KIF5C: variants seen among roughly 807,000 people sequenced by gnomAD.
The protein encoded by KIF5C is kinesin heavy chain isoform 5C.
Under a neutral mutation model 125.2 loss-of-function variants are expected in KIF5C, and 18 were observed. The ratio of observed to expected loss-of-function variants is 0.14; its 90% CI spans 0.10 to 0.21. The LOEUF (loss-of-function observed/expected upper bound fraction) is 0.21, where lower values mean the gene tolerates loss of function less well. Among genes scored for constraint, KIF5C ranks in the 10% least tolerant of loss-of-function variants. KIF5C has a pLI of 1.00. For synonymous variants in KIF5C, 405 were observed against 434.0 expected, an observed-to-expected ratio of 0.93 and a Z score of 0.83; for missense variants, 780 against 1,183.8, an observed-to-expected ratio of 0.66 and a Z score of 5.01.
At chr2:148,937,888 G>T (rs527785218) in intron 4 of KIF5C, among the ~76,000 whole-genome samples, 1 of 152,218 alleles carries the variant, frequency 6.6e-6, no homozygotes, top group Non-Finnish European at 1.5e-5. Flanking sequence ...TTTGAATGTA[G>T]ACACATTTCT....
At chr2:148,974,218 A>G (rs1680997675) in intron 12 of KIF5C, among the ~76,000 whole-genome samples, 1 of 152,166 alleles carries the variant, frequency 6.6e-6, no homozygotes, top group Non-Finnish European at 1.5e-5. Context: ...GTTTTATATG[A>G]TCTTGGCATG....
intron 25 of KIF5C, among the ~76,000 whole-genome samples, chr2:149,013,353 G>C (rs1471569433): frequency 6.6e-6 from 1 of 152,180 alleles, no homozygotes; most frequent in African/African-American, 2.4e-5. Flanking sequence ...GCAGAGAAGA[G>C]GCAAAAGCAG....
intron 1 of KIF5C, among the ~76,000 whole-genome samples, chr2:148,887,931 C>T (rs1167358922): frequency 6.6e-6 from 1 of 152,194 alleles, no homozygotes; most frequent in Non-Finnish European, 1.5e-5. Context: ...GTGCTGGAGG[C>T]TGGACCCTCC....
chr2:148,946,809 T>C (rs1053761574), intron 7 of KIF5C, 90 bp from the exon 8 acceptor site: 16 of 1,551,574 alleles, frequency 1.0e-5, no homozygotes, highest in Non-Finnish European at 1.4e-5. Context: ...ATGGATCTAT[T>C]AGGCATGACT....
chr2:148,999,626 G>A (rs950221253), intron 19 of KIF5C, among the ~76,000 whole-genome samples: 4 of 152,128 alleles, frequency 2.6e-5, no homozygotes, highest in Non-Finnish European at 5.9e-5. Context: ...TCTCACATTC[G>A]TTATTCTGAT....
chr2:148,926,346 ATGC>A (rs1681995049), intron 2 of KIF5C, among the ~76,000 whole-genome samples: 1 of 152,192 alleles, frequency 6.6e-6, no homozygotes, highest in Admixed American at 6.5e-5. Context: ...GCGGCGGGCT[ATGC>A]TGTACCAGTG....
chr2:148,929,813 G>A (rs1054807781), intron 3 of KIF5C, among the ~76,000 whole-genome samples: 8 of 150,912 alleles, frequency 5.3e-5, no homozygotes, highest in South Asian at 2.1e-4. Flanking sequence ...TGGACTGCAC[G>A]GTATTTTTTT....
intron 1 of KIF5C, among the ~76,000 whole-genome samples, chr2:148,883,085 C>T (rs1420471928): frequency 6.6e-6 from 1 of 152,144 alleles, no homozygotes; most frequent in Non-Finnish European, 1.5e-5. Flanking sequence ...CTTTAGACAT[C>T]TTTATGGTTT....
intron 1 of KIF5C, among the ~76,000 whole-genome samples, chr2:148,903,070 G>C (rs1004058732): frequency 2.0e-5 from 3 of 152,164 alleles, no homozygotes; most frequent in Admixed American, 6.5e-5. Flanking sequence ...TGCTGTGGCT[G>C]AAGAGTGATG....
chr2:148,941,574 G>C, intron 4 of KIF5C, 36 bp from the exon 5 acceptor site: 1 of 1,551,622 alleles, frequency 6.4e-7, no homozygotes, highest in Non-Finnish European at 8.7e-7. Context: ...ATACACTGCG[G>C]CATGTCTATT....
chr2:148,966,600 T>A (rs1277593878), intron 11 of KIF5C, among the ~76,000 whole-genome samples: 1 of 152,156 alleles, frequency 6.6e-6, no homozygotes, highest in African/African-American at 2.4e-5. Flanking sequence ...GAGGTTGCTC[T>A]CGCCCTCCCC....
Position 148,875,575 on chromosome 2 carries a change from G to GGGGCCCCC in KIF5C, c.-43_-42insGGGCCCCC. 1 of 699,602 alleles carries GGGGCCCCC rather than the reference G, an allele frequency of 1.4e-6. No homozygotes were observed. The allele number at this position is 699,602 out of a possible 1,614,324, so 43.3% of individuals were successfully genotyped here. ...TCCTCCCTCGTCGTTCCCGGCCCCG[G>GGGGCCCCC]CCCCCCACCCATCCCCGTGCCCCCT... On this transcript the variant is annotated 5_prime_UTR_variant, in exon 1 of 26. Transcript: ENST00000435030.
chr2:149,005,313 C>CG (rs892299478), intron 21 of KIF5C, 80 bp from the exon 22 acceptor site: 3 of 1,560,270 alleles, frequency 1.9e-6, no homozygotes, highest in South Asian at 1.2e-5. Flanking sequence ...TGGGAAGTGT[C>CG]GGGGGAATGA....
In KIF5C at chr2:149,010,364, A is replaced by G; in HGVS notation, c.2767+13A>G. ...TCAGCCCAGATCGGTACGTGCGTGC[A>G]CAGTGGCGCCCGGGGTTTGAGAAGC... On this transcript the variant is annotated intron_variant, in intron 24 of 25. Coordinates refer to ENST00000435030, the MANE Select transcript of KIF5C (RefSeq NM_004522.3). 1 of 1,539,714 alleles carries G rather than the reference A, an allele frequency of 6.5e-7. No individual in the cohort carries two copies. Among genetic ancestry groups the G allele is most frequent in the Non-Finnish European group, 8.7e-7 (1 of 1,143,830 alleles).
chr2:148,934,739 C>A (rs1682256361), intron 3 of KIF5C, among the ~76,000 whole-genome samples: 1 of 152,000 alleles, frequency 6.6e-6, no homozygotes. Flanking sequence ...ACGTCCATCT[C>A]ACACACATAT....
intron 19 of KIF5C, chr2:148,999,974 G>A (rs1287137996): frequency 6.4e-6 from 1 of 156,358 alleles, no homozygotes; most frequent in Non-Finnish European, 1.4e-5. Context: ...AACTGTCCCT[G>A]TATCAGTGAG....
intron 3 of KIF5C, among the ~76,000 whole-genome samples, chr2:148,935,580 A>AGATT: frequency 6.6e-6 from 1 of 152,212 alleles, no homozygotes; most frequent in Non-Finnish European, 1.5e-5. Flanking sequence ...ACAGTTTAAA[A>AGATT]GTTATCAAGA....
chr2:148,953,264 G>C (rs1006540241), intron 10 of KIF5C, among the ~76,000 whole-genome samples: 7 of 152,184 alleles, frequency 4.6e-5, no homozygotes, highest in African/African-American at 1.7e-4. Flanking sequence ...ATTGTGTAAG[G>C]TTACTTGGAA....
chr2:148,957,606 A>T lies in KIF5C; in HGVS notation c.969-4365A>T, dbSNP rs1014887652. ...GTTTGTTCTAGTAAAAAAAAAAAAAAAAAAAAAAAAACAATAAACCTCAGG... is the reference window on the plus strand; with the variant it reads ...GTTTGTTCTAGTAAAAAAAAAAAAATAAAAAAAAAAACAATAAACCTCAGG... On this transcript the variant is annotated intron_variant, in intron 10 of 25. Coordinates refer to ENST00000435030, the MANE Select transcript of KIF5C (RefSeq NM_004522.3). 3.0e-3 allele frequency among the ~76,000 whole-genome samples: 450 copies of T among 151,014 alleles called. 2 individuals carry two copies. Among genetic ancestry groups the T allele is most frequent in the Admixed American group, 9.5e-3 (144 of 15,174 alleles).
Sources: gnomAD v4.1 joint callset for allele counts (sites outside exome capture counted in the v4.1 genomes callset) on GRCh38, gnomAD v4.1.1 for gene constraint, MANE v1.5 for transcripts, NCBI Gene and HGNC (gene_info 2026-07-23, HGNC 2026-07-21) for gene names.